GRIA2: variants seen among roughly 807,000 people sequenced by gnomAD.
GRIA2 encodes the protein glutamate receptor 2.
In GRIA2, 14 loss-of-function variants were observed where a neutral mutation model predicts 97.3. The observed-to-expected ratio is 0.14, with a 90% CI of 0.10 to 0.23. GRIA2 has a LOEUF of 0.23. GRIA2 is among the 10% of genes least tolerant of loss of function. The pLI is 1.00. For missense variants in GRIA2, 558 were observed against 1,069.8 expected (o/e 0.52, Z 6.67); for synonymous variants, 412 against 387.8 (o/e 1.06, Z -0.73).
In GRIA2 at chr4:157,284,359, C is replaced by T. The variant is rs552931187; in HGVS notation, c.230-19193C>T. Among the ~76,000 whole-genome samples the T allele has an allele frequency of 1.7e-4, 26 of 151,920 alleles. No homozygotes were observed. The South Asian group carries it at 5.4e-3, about 31-fold the overall frequency. On this transcript the variant is annotated intron_variant, in intron 2 of 15. Coordinates refer to ENST00000264426, the MANE Select transcript of GRIA2 (RefSeq NM_001083619.3). ...CTTTTGTGGACTTACATTGGATGTGCTGTATTTTCTGTTCTTCATCTCATC... is the reference window on the plus strand; with the variant it reads ...CTTTTGTGGACTTACATTGGATGTGTTGTATTTTCTGTTCTTCATCTCATC...
At chr4:157,300,898 C>A (rs181827485) in intron 2 of GRIA2, among the ~76,000 whole-genome samples, 2 of 152,038 alleles carry the variant, frequency 1.3e-5, no homozygotes, top group Non-Finnish European at 2.9e-5. Flanking sequence ...TAAAACAAAT[C>A]GAAAATGAAA....
chr4:157,328,016 G>T (rs1734882563), intron 6 of GRIA2, among the ~76,000 whole-genome samples: 1 of 152,002 alleles, frequency 6.6e-6, no homozygotes, highest in South Asian at 2.1e-4. Flanking sequence ...CAACCTGGAA[G>T]TTTGAAATTT....
At chr4:157,311,184 G>T (rs982041325) in intron 3 of GRIA2, among the ~76,000 whole-genome samples, 1 of 151,938 alleles carries the variant, frequency 6.6e-6, no homozygotes, top group South Asian at 2.1e-4. Context: ...GCAGGAAAAT[G>T]CTTGTTTTAT....
chr4:157,288,888 T>C (rs1732965152), intron 2 of GRIA2, among the ~76,000 whole-genome samples: 1 of 151,876 alleles, frequency 6.6e-6, no homozygotes, highest in African/African-American at 2.4e-5. Context: ...ATTTGGGGTA[T>C]GTTATAGTGA....
chr4:157,339,118 G>A (rs1735434449), intron 11 of GRIA2, among the ~76,000 whole-genome samples: 1 of 151,872 alleles, frequency 6.6e-6, no homozygotes, highest in Admixed American at 6.6e-5. Flanking sequence ...ATAAGACATG[G>A]TCTCATGAAG....
At chr4:157,291,846 G>T (rs1355706201) in intron 2 of GRIA2, among the ~76,000 whole-genome samples, 3 of 151,792 alleles carry the variant, frequency 2.0e-5, no homozygotes, top group Non-Finnish European at 4.4e-5. Flanking sequence ...ACTGATAAGA[G>T]GGTTCAGTAA....
chr4:157,341,153 A>C, intron 11 of GRIA2, 111 bp from the exon 12 acceptor site: 1 of 748,522 alleles, frequency 1.3e-6, no homozygotes, highest in Non-Finnish European at 2.3e-6. Context: ...ACATTGAAAA[A>C]TATAAAATTA....
chr4:157,349,611 T>C (rs1299746937), intron 12 of GRIA2, among the ~76,000 whole-genome samples: 1 of 152,054 alleles, frequency 6.6e-6, no homozygotes, highest in Non-Finnish European at 1.5e-5. Context: ...ACAGCACCAA[T>C]GGTCTAGTAG....
At chr4:157,231,193 C>A (rs995597530) in intron 2 of GRIA2, among the ~76,000 whole-genome samples, 2 of 152,104 alleles carry the variant, frequency 1.3e-5, no homozygotes, top group African/African-American at 4.8e-5. Flanking sequence ...TGCACACCGC[C>A]ACGCCTGGCT....
At chr4:157,230,090 T>C (rs1414226074) in intron 2 of GRIA2, among the ~76,000 whole-genome samples, 1 of 152,092 alleles carries the variant, frequency 6.6e-6, no homozygotes, top group Non-Finnish European at 1.5e-5. Flanking sequence ...CAGCATAAAT[T>C]TAATGGAAAC....
intron 2 of GRIA2, 51 bp downstream of exon 2, chr4:157,221,858 G>A: frequency 6.5e-7 from 1 of 1,546,012 alleles, no homozygotes; most frequent in Non-Finnish European, 8.9e-7. Context: ...GAAGGCCAGC[G>A]AGTGTGAGTG....
chr4:157,297,881 C>A (rs1733422143), intron 2 of GRIA2, among the ~76,000 whole-genome samples: 1 of 151,380 alleles, frequency 6.6e-6, no homozygotes, highest in Admixed American at 6.6e-5. Context: ...ACAAAATAAT[C>A]ATGAAAATAC....
chr4:157,322,752 A>C (rs914110486), intron 6 of GRIA2, among the ~76,000 whole-genome samples: 1 of 152,198 alleles, frequency 6.6e-6, no homozygotes, highest in Non-Finnish European at 1.5e-5. Context: ...TGTGAATTAT[A>C]AAGCAATTGT....
chr4:157,275,629 C>A (rs1048604614), intron 2 of GRIA2, among the ~76,000 whole-genome samples: 1 of 152,064 alleles, frequency 6.6e-6, no homozygotes, highest in Non-Finnish European at 1.5e-5. Flanking sequence ...ATAGGGAATC[C>A]GTTCCCCATT....
intron 6 of GRIA2, among the ~76,000 whole-genome samples, chr4:157,330,925 G>A (rs550504180): frequency 6.6e-6 from 1 of 151,926 alleles, no homozygotes; most frequent in African/African-American, 2.4e-5. Flanking sequence ...TTGCCATCAT[G>A]CTCCTTTCAA....
Position 157,333,041 on chromosome 4 carries a change from T to C in GRIA2, c.1050+55T>C, listed in dbSNP as rs1290604515. ...ACTTAATATGGCCATTAATGTTTTC[T>C]TCCTGCTAAATTAGTCATCCTTGTC... is the stretch of plus-strand genomic sequence containing the variant. On this transcript the variant is annotated intron_variant, in intron 7 of 15. Transcript: ENST00000264426. 2.0e-5 allele frequency: 28 copies of C among 1,368,208 alleles called. No individual in the cohort carries two copies. The East Asian group carries it at 6.3e-4, about 31-fold the overall frequency. The allele number at this position is 1,368,208 out of a possible 1,614,324, so 84.8% of individuals were successfully genotyped here. A position where few individuals can be genotyped will look rare whatever the true frequency, so the allele number is the denominator to read the frequency against.
intron 2 of GRIA2, among the ~76,000 whole-genome samples, chr4:157,262,397 A>T (rs968914745): frequency 6.6e-6 from 1 of 151,964 alleles, no homozygotes; most frequent in Non-Finnish European, 1.5e-5. Context: ...ATGGGCTCTA[A>T]CTTCAAACTC....
chr4:157,346,057 C>A (rs548056393), intron 12 of GRIA2, among the ~76,000 whole-genome samples: 2 of 152,100 alleles, frequency 1.3e-5, no homozygotes, highest in Admixed American at 1.3e-4. Context: ...TTGAAATTTT[C>A]CATATGCATA....
chr4:157,306,605 G>C, intron 3 of GRIA2, among the ~76,000 whole-genome samples: 1 of 152,162 alleles, frequency 6.6e-6, no homozygotes, highest in South Asian at 2.1e-4. Context: ...TATTTCAGTG[G>C]CCTTCTATCT....
Sources: allele counts gnomAD v4.1 joint callset (sites outside exome capture counted in the v4.1 genomes callset), GRCh38; gene constraint gnomAD v4.1.1; transcripts MANE v1.5; gene names NCBI Gene and HGNC (gene_info 2026-07-23, HGNC 2026-07-21).